PLD1: variants seen among roughly 807,000 people sequenced by gnomAD.
PLD1 encodes choline phosphatase 1.
A neutral mutation model predicts 137.1 loss-of-function variants in PLD1; 112 were observed. The observed-to-expected ratio is 0.82, with a 90% CI of 0.70 to 0.96. PLD1 has a LOEUF of 0.96. Among genes scored for constraint, PLD1 ranks in the 40% least tolerant of loss-of-function variants. The probability of loss-of-function intolerance (pLI) is 0.00; values close to 1 mark genes in which losing one functional copy is unlikely to be tolerated. For synonymous variants in PLD1, 431 were observed against 454.7 expected (o/e 0.95, Z 0.66); for missense variants, 1,321 against 1,342.0 (o/e 0.98, Z 0.24).
chr3:171,659,531 C>T (rs1158965844), intron 20 of PLD1, among the ~76,000 whole-genome samples: 1 of 152,192 alleles, frequency 6.6e-6, no homozygotes, highest in Non-Finnish European at 1.5e-5. Context: ...TGGAAAGTTA[C>T]ACTATATTAT....
At chr3:171,793,478 G>C (rs1226136423) in intron 1 of PLD1, 1 of 151,952 alleles carries the variant, frequency 6.6e-6, no homozygotes, top group African/African-American at 2.4e-5. Context: ...CCTATTTTAT[G>C]TGTAGTGCAG....
At chr3:171,608,538 T>G (rs987741706) in intron 25 of PLD1, among the ~76,000 whole-genome samples, 1 of 152,182 alleles carries the variant, frequency 6.6e-6, no homozygotes, top group African/African-American at 2.4e-5. Context: ...ACAGCCACAA[T>G]AATTACATGG....
At chr3:171,776,946 C>G (rs1276704691) in intron 1 of PLD1, among the ~76,000 whole-genome samples, 2 of 152,114 alleles carry the variant, frequency 1.3e-5, no homozygotes, top group Admixed American at 1.3e-4. Context: ...TAGATAACCT[C>G]TCTTTTTAAA....
In PLD1 at chr3:171,602,392, A is replaced by G. The variant is rs1731889160; in HGVS notation, c.*686T>C. 6.6e-6 allele frequency: 1 copy of G among 152,334 alleles called. No homozygotes were observed. The highest frequency in any genetic ancestry group is 1.5e-5 in the Non-Finnish European group (1 of 68,158). 9.4% of individuals were successfully genotyped at this position (152,334 alleles called of 1,614,324 possible). A position where few individuals can be genotyped will look rare whatever the true frequency, so the allele number is the denominator to read the frequency against. Reference sequence around the variant, plus strand: ...GCAAAATGAAATAAATCTCTGTCTCAATATTGGAATTTATTCCTTCCTGTT... The same window carrying G: ...GCAAAATGAAATAAATCTCTGTCTCGATATTGGAATTTATTCCTTCCTGTT... On this transcript the variant is annotated 3_prime_UTR_variant, in exon 27 of 27. Transcript: ENST00000351298.
intron 23 of PLD1, among the ~76,000 whole-genome samples, chr3:171,641,478 C>T (rs769921128): frequency 2.1e-4 from 32 of 152,172 alleles, no homozygotes; most frequent in Non-Finnish European, 3.4e-4. Context: ...CATTCCAGTA[C>T]ATCATCCAGT....
chr3:171,603,751 A>T (rs1200704258), intron 26 of PLD1, among the ~76,000 whole-genome samples: 1 of 152,200 alleles, frequency 6.6e-6, no homozygotes, highest in Non-Finnish European at 1.5e-5. Flanking sequence ...TGGATATCAT[A>T]ACACTTCACC....
intron 1 of PLD1, among the ~76,000 whole-genome samples, chr3:171,746,389 T>C (rs2108281059): frequency 6.6e-6 from 1 of 152,374 alleles, no homozygotes; most frequent in South Asian, 2.1e-4. Flanking sequence ...TGGAGGATCC[T>C]ATATGCACCA....
chr3:171,637,466 C>T (rs1043459260), intron 23 of PLD1, among the ~76,000 whole-genome samples: 1 of 152,146 alleles, frequency 6.6e-6, no homozygotes. Context: ...ATCTCTTGAC[C>T]TCGTGATCCA....
chr3:171,686,664 G>T, intron 16 of PLD1, 21 bp downstream of exon 16: 1 of 1,207,808 alleles, frequency 8.3e-7, no homozygotes, highest in South Asian at 1.3e-5. Context: ...AGGGAGTTCT[G>T]CCACTTCACA....
At chr3:171,607,658 C>CA (rs1560139138) in intron 25 of PLD1, among the ~76,000 whole-genome samples, 2 of 151,884 alleles carry the variant, frequency 1.3e-5, no homozygotes, top group African/African-American at 4.8e-5. Flanking sequence ...GCTTATTCAT[C>CA]AAAAAAAGTG....
At chr3:171,746,507 G>C (rs1034478480) in intron 1 of PLD1, among the ~76,000 whole-genome samples, 6 of 152,168 alleles carry the variant, frequency 3.9e-5, no homozygotes, top group Admixed American at 3.3e-4. Context: ...CTGGAGGATT[G>C]TAAATACAAC....
At chr3:171,672,489 ATTTTT>A (rs1712877202) in intron 19 of PLD1, among the ~76,000 whole-genome samples, 1 of 124,538 alleles carries the variant, frequency 8.0e-6, no homozygotes, top group African/African-American at 3.3e-5. Flanking sequence ...TTTAGTTTTT[ATTTTT>A]ATTTTTTTTT....
chr3:171,761,677 G>C (rs1357598784), intron 1 of PLD1, among the ~76,000 whole-genome samples: 1 of 152,186 alleles, frequency 6.6e-6, no homozygotes, highest in African/African-American at 2.4e-5. Context: ...CTAGTGCTCA[G>C]AGTAGGCACG....
intron 11 of PLD1, among the ~76,000 whole-genome samples, chr3:171,700,191 T>TA (rs56136904): frequency 0.013 from 1,964 of 152,138 alleles, 39 homozygotes; most frequent in African/African-American, 0.041. Flanking sequence ...ATATTCTAGA[T>TA]ACTTGCTTTC....
chr3:171,617,532 AAC>A (rs149134013), intron 24 of PLD1, among the ~76,000 whole-genome samples: 35,598 of 152,016 alleles, frequency 0.23, 4,438 homozygotes, highest in Admixed American at 0.3. Flanking sequence ...TGGGTTAGTG[AAC>A]ATTAAAAACA....
At chr3:171,690,703 T>C (rs758767415) in intron 13 of PLD1, among the ~76,000 whole-genome samples, 22 of 152,236 alleles carry the variant, frequency 1.4e-4, no homozygotes, top group Admixed American at 7.9e-4. Flanking sequence ...AGACAGATGT[T>C]TGTATATCTA....
chr3:171,638,381 A>T (rs1735338563), intron 23 of PLD1, among the ~76,000 whole-genome samples: 1 of 152,166 alleles, frequency 6.6e-6, no homozygotes, highest in Non-Finnish European at 1.5e-5. Context: ...GTACCATGCC[A>T]TGGGTATGAC....
At chr3:171,709,307 G>A (rs1716956492) in intron 10 of PLD1, among the ~76,000 whole-genome samples, 1 of 152,196 alleles carries the variant, frequency 6.6e-6, no homozygotes, top group Admixed American at 6.5e-5. Flanking sequence ...TTAAAGAAAT[G>A]TATGAAGTTA....
intron 23 of PLD1, among the ~76,000 whole-genome samples, chr3:171,627,896 C>T (rs888866660): frequency 2.6e-5 from 4 of 151,762 alleles, no homozygotes; most frequent in African/African-American, 7.3e-5. Context: ...TAAATGCCCA[C>T]AAGAGAAAGC....
Sources: allele counts gnomAD v4.1 joint callset (sites outside exome capture counted in the v4.1 genomes callset), GRCh38; gene constraint gnomAD v4.1.1; transcripts MANE v1.5; gene names NCBI Gene and HGNC (gene_info 2026-07-23, HGNC 2026-07-21).